ABCB4: variants seen among roughly 807,000 people sequenced by gnomAD.
The protein encoded by ABCB4 is ATP binding cassette subfamily B member 4, also known as phosphatidylcholine translocator ABCB4.
A neutral mutation model predicts 145.7 loss-of-function variants in ABCB4; 76 were observed. That is an observed-to-expected ratio of 0.52 (90% CI 0.43 to 0.63). The LOEUF is 0.63. ABCB4 is among the 30% of genes least tolerant of loss of function. The probability of loss-of-function intolerance (pLI) is 0.00; values close to 1 mark genes in which losing one functional copy is unlikely to be tolerated. For missense variants in ABCB4, 1,234 were observed against 1,553.1 expected (o/e 0.79, Z 3.45); for synonymous variants, 517 against 566.8 (o/e 0.91, Z 1.25).
At chr7:87,474,578 A>AT (rs907088396) in intron 2 of ABCB4, among the ~76,000 whole-genome samples, 20 of 152,126 alleles carry the variant, frequency 1.3e-4, no homozygotes, top group Admixed American at 5.9e-4. Flanking sequence ...ACACAGGTCA[A>AT]TTTTTTCTGG....
intron 12 of ABCB4, among the ~76,000 whole-genome samples, chr7:87,441,309 T>C (rs1810969571): frequency 6.6e-6 from 1 of 152,204 alleles, no homozygotes; most frequent in African/African-American, 2.4e-5. Context: ...ATCTGTTTCA[T>C]TGTAATTTAC....
At chr7:87,372,983 G>C in the ABCB4 span, among the ~76,000 whole-genome samples, 1 of 151,900 alleles carries the variant, frequency 6.6e-6, no homozygotes, top group Non-Finnish European at 1.5e-5. Flanking sequence ...CATTTCTCTT[G>C]GGTATATTTT....
At chr7:87,449,602 T>TAA (rs35707384) in intron 8 of ABCB4, among the ~76,000 whole-genome samples, 3 of 144,634 alleles carry the variant, frequency 2.1e-5, no homozygotes, top group Admixed American at 6.9e-5. Context: ...CTCAGCTTAT[T>TAA]AAAAAAAAAA....
At chr7:87,412,530 C>T (rs1808696241) in intron 22 of ABCB4, among the ~76,000 whole-genome samples, 1 of 152,122 alleles carries the variant, frequency 6.6e-6, no homozygotes, top group African/African-American at 2.4e-5. Flanking sequence ...AGTCCTTTCC[C>T]AAGCTAGATC....
intron 14 of ABCB4, among the ~76,000 whole-genome samples, chr7:87,434,585 T>C (rs1562971255): frequency 6.6e-6 from 1 of 151,896 alleles, no homozygotes. Flanking sequence ...CCATCTCTAC[T>C]AAAAATACAG....
At chr7:87,431,256 TC>T in intron 15 of ABCB4, 147 bp downstream of exon 15, 1 of 1,035,172 alleles carries the variant, frequency 9.7e-7, no homozygotes, top group South Asian at 1.4e-5. Flanking sequence ...CTTTACAGAT[TC>T]TGATTTAAAG....
chr7:87,401,241 T>C (rs1245704813), downstream of ABCB4, among the ~76,000 whole-genome samples: 1 of 152,248 alleles, frequency 6.6e-6, no homozygotes, highest in African/African-American at 2.4e-5. Flanking sequence ...AACAACCTGA[T>C]AGAGCGCTAA....
chr7:87,441,805 C>T (rs45545433), intron 12 of ABCB4, among the ~76,000 whole-genome samples: 6,148 of 152,212 alleles, frequency 0.04, 406 homozygotes, highest in African/African-American at 0.14. Flanking sequence ...TCATTAGTTG[C>T]CCAGGATGAT....
chr7:87,440,459 AG>A lies in ABCB4; in HGVS notation c.1357-58del. 7 of 1,452,070 alleles carry A rather than the reference AG, an allele frequency of 4.8e-6. No individual in the cohort carries two copies. The South Asian group carries it at 8.3e-5, about 17-fold the overall frequency. 89.9% of individuals were successfully genotyped at this position (1,452,070 alleles called of 1,614,324 possible). A position where few individuals can be genotyped will look rare whatever the true frequency, so the allele number is the denominator to read the frequency against. The stretch of plus-strand genomic sequence containing the variant: ...TTAACCATTTAATAGCTGAAGTATC[AG>A]GACCATTCATGAAAAACATCCTACC... On this transcript the variant is annotated intron_variant, in intron 12 of 27. Coordinates refer to ENST00000649586, the MANE Select transcript of ABCB4 (RefSeq NM_000443.4).
intron 24 of ABCB4, 51 bp downstream of exon 24, chr7:87,409,185 C>T (rs1395324765): frequency 6.2e-7 from 1 of 1,609,874 alleles, no homozygotes; most frequent in Admixed American, 1.7e-5. Flanking sequence ...TAGCAGACAG[C>T]AAACCTTAGG....
At chr7:87,426,644 T>C in intron 16 of ABCB4, 106 bp downstream of exon 16, 3 of 1,130,428 alleles carry the variant, frequency 2.7e-6, no homozygotes, top group East Asian at 2.4e-5. Flanking sequence ...GTATGGCTCA[T>C]AGTAGCAGTC....
rs111950225 is a variant in ABCB4, at chr7:87,461,033, C to T, written c.286+1725G>A. Among the ~76,000 whole-genome samples the T allele has an allele frequency of 3.3e-5, 5 of 152,136 alleles. 1 individual carries two copies. Among genetic ancestry groups the T allele is most frequent in the African/African-American group, 9.6e-5 (4 of 41,498 alleles). ...GGCTGTAGTGCAATGGCAACCTCCG[C>T]CCCCTGGGTTCAAGCGATTCCTCTG... On this transcript the variant is annotated intron_variant, in intron 4 of 27. Transcript: ENST00000649586.
intron 4 of ABCB4, among the ~76,000 whole-genome samples, chr7:87,456,962 T>C (rs755811835): frequency 1.3e-5 from 2 of 152,034 alleles, no homozygotes; most frequent in Non-Finnish European, 2.9e-5. Context: ...CTATTCTGCT[T>C]CAGTCTCATA....
At position 87,444,920 on chromosome 7, in the gene ABCB4, AT is replaced by A; in HGVS notation, c.1060del (p.Ile354LeufsTer13). ...AFSVGQAAPC[I>X]DAFANARGAA... is the part of the protein sequence containing the mutation. ...TCCTCTTGCATTGGCAAAAGCATCA[AT>A]ACATGGGGCAGCCTGGCCAACACTG... is the stretch of plus-strand genomic sequence containing the variant. On this transcript the variant is annotated frameshift_variant, in exon 10 of 28. Transcript: ENST00000649586. LOFTEE classifies it high-confidence loss of function. 6.2e-7 allele frequency: 1 copy of A among 1,608,694 alleles called. No individual in the cohort carries two copies. The highest frequency in any genetic ancestry group is 8.5e-7 in the Non-Finnish European group (1 of 1,179,642).
chr7:87,383,221 G>C, the ABCB4 span, among the ~76,000 whole-genome samples: 3 of 151,980 alleles, frequency 2.0e-5, no homozygotes, highest in Non-Finnish European at 4.4e-5. Context: ...CCATCTAACT[G>C]TACCATTATA....
intron 4 of ABCB4, among the ~76,000 whole-genome samples, chr7:87,454,992 G>A (rs1462199457): frequency 2.0e-5 from 3 of 148,298 alleles, no homozygotes; most frequent in African/African-American, 7.8e-5. Context: ...GGATTTAAGA[G>A]GCATTTTTTT....
chr7:87,367,602 T>C, the ABCB4 span, among the ~76,000 whole-genome samples: 1 of 152,222 alleles, frequency 6.6e-6, no homozygotes, highest in Non-Finnish European at 1.5e-5. Context: ...CATATACTTT[T>C]CTTTTCTTTT....
chr7:87,417,578 T>C, intron 20 of ABCB4, 63 bp from the exon 21 acceptor site: 1 of 1,384,098 alleles, frequency 7.2e-7, no homozygotes, highest in Non-Finnish European at 1.0e-6. Flanking sequence ...GCTCCAGCCT[T>C]AGCCTCTTGG....
the ABCB4 span, among the ~76,000 whole-genome samples, chr7:87,367,805 A>C: frequency 6.6e-6 from 1 of 151,968 alleles, no homozygotes; most frequent in Non-Finnish European, 1.5e-5. Context: ...AATTCACCTC[A>C]TGTCTCCTTC....
Sources: allele counts gnomAD v4.1 joint callset (sites outside exome capture counted in the v4.1 genomes callset), GRCh38; gene constraint gnomAD v4.1.1; transcripts MANE v1.5; gene names NCBI Gene and HGNC (gene_info 2026-07-23, HGNC 2026-07-21).